SIPA1L2: variants seen among roughly 807,000 people sequenced by gnomAD.
SIPA1L2 encodes the protein signal induced proliferation associated 1 like 2.
In SIPA1L2, 56 loss-of-function variants were observed where a neutral mutation model predicts 163.9. That is an observed-to-expected ratio of 0.34 (90% CI 0.28 to 0.43). The LOEUF (loss-of-function observed/expected upper bound fraction) is 0.43. Among genes scored for constraint, SIPA1L2 ranks in the 20% least tolerant of loss-of-function variants. The probability of loss-of-function intolerance (pLI) is 1.00; values close to 1 mark genes in which losing one functional copy is unlikely to be tolerated. For missense variants in SIPA1L2, 1,974 were observed against 2,193.5 expected (o/e 0.90, Z 2.00); for synonymous variants, 877 against 865.7 (o/e 1.01, Z -0.23).
At chr1:232,488,573 A>G (rs1223269810) in intron 5 of SIPA1L2, among the ~76,000 whole-genome samples, 2 of 152,234 alleles carry the variant, frequency 1.3e-5, no homozygotes, top group East Asian at 3.8e-4. Flanking sequence ...AAGTTTGAAC[A>G]TCGTTAAGAA....
At chr1:232,501,750 C>T (rs1386808864) in intron 3 of SIPA1L2, among the ~76,000 whole-genome samples, 1 of 152,208 alleles carries the variant, frequency 6.6e-6, no homozygotes, top group Admixed American at 6.5e-5. Flanking sequence ...TTTCACTCCC[C>T]TAAGCCCTTA....
At chr1:232,599,644 A>G (rs1661486910) in intron 1 of SIPA1L2, among the ~76,000 whole-genome samples, 1 of 152,188 alleles carries the variant, frequency 6.6e-6, no homozygotes. Flanking sequence ...ACGGTGGGGT[A>G]GAACTACCCT....
chr1:232,597,478 C>T (rs1661323682), intron 1 of SIPA1L2, among the ~76,000 whole-genome samples: 2 of 150,810 alleles, frequency 1.3e-5, no homozygotes, highest in Non-Finnish European at 3.0e-5. Flanking sequence ...GAGATCGAGA[C>T]CATCCTGGCT....
chr1:232,458,789 C>G (rs1297685604), intron 10 of SIPA1L2, among the ~76,000 whole-genome samples: 3 of 152,128 alleles, frequency 2.0e-5, no homozygotes, highest in African/African-American at 4.8e-5. Context: ...ATATACAGTA[C>G]TTTAGCTTTT....
chr1:232,556,724 T>TAA (rs34422182), intron 2 of SIPA1L2, among the ~76,000 whole-genome samples: 147 of 145,220 alleles, frequency 1.0e-3, no homozygotes, highest in Middle Eastern at 3.5e-3. Flanking sequence ...TACAAACAGT[T>TAA]AAAAAAAAAA....
chr1:232,424,165 C>T (rs566882209), intron 18 of SIPA1L2, among the ~76,000 whole-genome samples: 1 of 151,940 alleles, frequency 6.6e-6, no homozygotes, highest in South Asian at 2.1e-4. Flanking sequence ...CACATAGGTT[C>T]ATCGATTATA....
chr1:232,607,536 A>G (rs940112377), intron 1 of SIPA1L2, among the ~76,000 whole-genome samples: 15 of 152,096 alleles, frequency 9.9e-5, no homozygotes, highest in African/African-American at 3.6e-4. Flanking sequence ...TTAACTTTCT[A>G]TGTTATGAAA....
intron 2 of SIPA1L2, among the ~76,000 whole-genome samples, chr1:232,545,997 G>T (rs1000914020): frequency 6.6e-6 from 1 of 152,168 alleles, no homozygotes; most frequent in Non-Finnish European, 1.5e-5. Context: ...TGTCACTGAC[G>T]TAGGCACAAT....
chr1:232,530,766 A>G lies in SIPA1L2; in HGVS notation c.-269-15158T>C, dbSNP rs534466451. ...TTTAGAAGGGAGTTGTCATGCACAA[A>G]TAGGATTGGAAGCTATTGGCTTCAA... On this transcript the variant is annotated intron_variant, in intron 2 of 22. Coordinates refer to ENST00000674635, the MANE Select transcript of SIPA1L2 (RefSeq NM_020808.5). Among the ~76,000 whole-genome samples, 231 of 152,154 alleles carry G rather than the reference A, an allele frequency of 1.5e-3. 10 individuals carry two copies. The South Asian group carries it at 0.044, about 29-fold the overall frequency.
chr1:232,509,911 C>A (rs997397233), intron 3 of SIPA1L2, among the ~76,000 whole-genome samples: 2 of 152,140 alleles, frequency 1.3e-5, no homozygotes. Context: ...TCCTGGTGGC[C>A]GCTCCTTCCC....
At chr1:232,476,703 C>T (rs1017648263) in intron 7 of SIPA1L2, among the ~76,000 whole-genome samples, 6 of 152,134 alleles carry the variant, frequency 3.9e-5, no homozygotes, top group Middle Eastern at 3.2e-3. Context: ...AGTTTTTCTA[C>T]GCAAGAGTCA....
intron 1 of SIPA1L2, among the ~76,000 whole-genome samples, chr1:232,597,740 G>A (rs1284935699): frequency 1.4e-5 from 2 of 140,866 alleles, no homozygotes; most frequent in African/African-American, 5.3e-5. Flanking sequence ...TCTGGACTCA[G>A]AAGAATCACT....
At chr1:232,406,609 G>T (rs1660647677) in intron 19 of SIPA1L2, among the ~76,000 whole-genome samples, 1 of 152,134 alleles carries the variant, frequency 6.6e-6, no homozygotes, top group South Asian at 2.1e-4. Flanking sequence ...TGGTGGGGGT[G>T]AATGGTCTGA....
At chr1:232,439,878 A>T (rs1025106169) in intron 14 of SIPA1L2, among the ~76,000 whole-genome samples, 10 of 152,202 alleles carry the variant, frequency 6.6e-5, no homozygotes, top group African/African-American at 2.4e-4. Context: ...CTTCATGACA[A>T]ATTATAGTGC....
chr1:232,518,414 T>C (rs770611574), intron 2 of SIPA1L2, among the ~76,000 whole-genome samples: 8 of 152,166 alleles, frequency 5.3e-5, no homozygotes, highest in Admixed American at 1.3e-4. Context: ...GGTCCTGGGA[T>C]GCAGCCCGGA....
At chr1:232,563,933 G>A (rs937299015) in intron 2 of SIPA1L2, among the ~76,000 whole-genome samples, 16 of 144,882 alleles carry the variant, frequency 1.1e-4, no homozygotes, top group Admixed American at 2.1e-4. Flanking sequence ...CAGACTGAAC[G>A]ACAAAGGTTT....
chr1:232,417,383 C>T (rs1208975295), intron 18 of SIPA1L2, among the ~76,000 whole-genome samples: 2 of 152,126 alleles, frequency 1.3e-5, no homozygotes, highest in African/African-American at 2.4e-5. Context: ...GATATATTGT[C>T]CACATTGTTT....
chr1:232,437,757 G>C (rs559154252), intron 15 of SIPA1L2, among the ~76,000 whole-genome samples: 6 of 152,124 alleles, frequency 3.9e-5, no homozygotes, highest in Non-Finnish European at 8.8e-5. Flanking sequence ...GGGGGCAGGG[G>C]TTGGCTTTGG....
At chr1:232,556,234 A>G (rs1388988418) in intron 2 of SIPA1L2, among the ~76,000 whole-genome samples, 1 of 152,242 alleles carries the variant, frequency 6.6e-6, no homozygotes, top group Admixed American at 6.5e-5. Flanking sequence ...TCTCTCATCA[A>G]GGGTTTTGCT....
Sources: gnomAD v4.1 joint callset for allele counts (sites outside exome capture counted in the v4.1 genomes callset) on GRCh38, gnomAD v4.1.1 for gene constraint, MANE v1.5 for transcripts, NCBI Gene and HGNC (gene_info 2026-07-23, HGNC 2026-07-21) for gene names.